Variants in DLG2 observed in about 807,000 individuals in gnomAD.
The protein encoded by DLG2 is discs large MAGUK scaffold protein 2.
A neutral mutation model predicts 132.5 loss-of-function variants in DLG2; 45 were observed. The observed-to-expected ratio is 0.34, with a 90% confidence interval of 0.27 to 0.44. The LOEUF is 0.44. Ranked by LOEUF, DLG2 falls within the 20% of genes least tolerant of loss-of-function variation. The pLI, the probability that DLG2 is intolerant of heterozygous loss-of-function variation, is 1.00. For missense variants in DLG2, 1,045 were observed against 1,196.9 expected (o/e 0.87, Z 1.87); for synonymous variants, 424 against 419.6 (o/e 1.01, Z -0.13).
chr11:85,495,410 C>A (rs1311356933), intron 3 of DLG2, among the ~76,000 whole-genome samples: 1 of 152,030 alleles, frequency 6.6e-6, no homozygotes, highest in African/African-American at 2.4e-5. Context: ...TACCTAGACT[C>A]TACAAGGAAC....
At chr11:84,581,658 C>T (rs2099516547) in intron 6 of DLG2, among the ~76,000 whole-genome samples, 1 of 151,520 alleles carries the variant, frequency 6.6e-6, no homozygotes, top group East Asian at 1.9e-4. Flanking sequence ...CCTGTAATTC[C>T]AGCACTTTGG....
intron 7 of DLG2, among the ~76,000 whole-genome samples, chr11:84,526,759 T>G (rs1268288285): frequency 6.6e-6 from 1 of 151,136 alleles, no homozygotes; most frequent in Non-Finnish European, 1.5e-5. Flanking sequence ...TGCAGTTTCA[T>G]GCATCCACTG....
intron 6 of DLG2, among the ~76,000 whole-genome samples, chr11:85,055,143 T>C (rs907772821): frequency 6.6e-6 from 1 of 152,140 alleles, no homozygotes; most frequent in Non-Finnish European, 1.5e-5. Flanking sequence ...ATTTGTCAAA[T>C]AAAGATGCTC....
intron 19 of DLG2, among the ~76,000 whole-genome samples, chr11:83,593,907 C>T (rs2097238708): frequency 6.6e-6 from 1 of 151,614 alleles, no homozygotes; most frequent in Non-Finnish European, 1.5e-5. Context: ...TCCTTTTCTC[C>T]ATATAGCATT....
intron 9 of DLG2, among the ~76,000 whole-genome samples, chr11:84,113,229 T>C (rs1033902068): frequency 1.3e-5 from 2 of 152,180 alleles, no homozygotes; most frequent in African/African-American, 4.8e-5. Flanking sequence ...GACCTTTGAG[T>C]CCATAACTTT....
At chr11:85,053,776 G>A (rs374026002) in intron 6 of DLG2, among the ~76,000 whole-genome samples, 12 of 116,238 alleles carry the variant, frequency 1.0e-4, no homozygotes, top group East Asian at 5.0e-4. Context: ...CAGCCTGGGC[G>A]ACAGAGCAAG....
At chr11:85,512,883 C>A (rs192324062) in intron 3 of DLG2, among the ~76,000 whole-genome samples, 10 of 152,138 alleles carry the variant, frequency 6.6e-5, no homozygotes, top group African/African-American at 2.4e-4. Context: ...AAAAAAACTC[C>A]TGCACTCATT....
chr11:84,584,940 G>A (rs908112800), intron 6 of DLG2, among the ~76,000 whole-genome samples: 18 of 150,888 alleles, frequency 1.2e-4, no homozygotes, highest in Non-Finnish European at 1.9e-4. Context: ...CGCCCGCCTC[G>A]GCCTCCCAAA....
intron 16 of DLG2, among the ~76,000 whole-genome samples, chr11:83,847,991 T>C (rs7935339): frequency 0.029 from 4,486 of 152,260 alleles, 222 homozygotes; most frequent in African/African-American, 0.096. Context: ...TGAAGTGTGG[T>C]TGGTGTGATG....
At chr11:84,496,536 G>A (rs545091524) in intron 7 of DLG2, among the ~76,000 whole-genome samples, 1 of 152,214 alleles carries the variant, frequency 6.6e-6, no homozygotes, top group Admixed American at 6.5e-5. Flanking sequence ...TCTGATTAAT[G>A]GAGGCAAGAT....
intron 4 of DLG2, among the ~76,000 whole-genome samples, chr11:85,254,956 G>A (rs939447054): frequency 6.7e-6 from 1 of 148,436 alleles, no homozygotes; most frequent in Admixed American, 6.7e-5. Context: ...CCAAGATCAC[G>A]CCACTGCACT....
chr11:85,360,291 G>C (rs1325553241), intron 3 of DLG2, among the ~76,000 whole-genome samples: 1 of 152,206 alleles, frequency 6.6e-6, no homozygotes, highest in Admixed American at 6.5e-5. Flanking sequence ...CACTAGGTGT[G>C]TAACTTTGAG....
At chr11:84,172,032 A>C (rs2095836243) in intron 8 of DLG2, among the ~76,000 whole-genome samples, 1 of 152,172 alleles carries the variant, frequency 6.6e-6, no homozygotes, top group Admixed American at 6.5e-5. Flanking sequence ...AAAGACCTGG[A>C]TTCCATAACA....
chr11:84,963,343 A>G (rs1406935742), intron 6 of DLG2, among the ~76,000 whole-genome samples: 1 of 152,220 alleles, frequency 6.6e-6, no homozygotes, highest in African/African-American at 2.4e-5. Flanking sequence ...ATTTCAGAAC[A>G]AAGACAAACA....
At chr11:83,817,705 T>C (rs2049438885) in intron 17 of DLG2, among the ~76,000 whole-genome samples, 1 of 152,052 alleles carries the variant, frequency 6.6e-6, no homozygotes, top group Non-Finnish European at 1.5e-5. Context: ...TGAGACCCAG[T>C]ATCTTAGAAA....
chr11:83,775,493 T>C (rs2094545475), intron 18 of DLG2, among the ~76,000 whole-genome samples: 1 of 152,172 alleles, frequency 6.6e-6, no homozygotes, highest in African/African-American at 2.4e-5. Flanking sequence ...ATATCACAAG[T>C]TTTTGCAAAG....
At chr11:85,131,839 AG>A (rs2075737521) in intron 5 of DLG2, among the ~76,000 whole-genome samples, 1 of 152,178 alleles carries the variant, frequency 6.6e-6, no homozygotes. Flanking sequence ...ATCTACACTT[AG>A]TTAACTCTCA....
At chr11:84,133,629 TTC>T (rs2094498733) in intron 9 of DLG2, among the ~76,000 whole-genome samples, 1 of 3,598 alleles carries the variant, frequency 2.8e-4, no homozygotes, top group African/African-American at 9.7e-4. Context: ...AATTTTTTCC[TTC>T]TTCTTCTTCT....
intron 17 of DLG2, among the ~76,000 whole-genome samples, chr11:83,801,461 C>A (rs1219217671): frequency 6.6e-6 from 1 of 152,176 alleles, no homozygotes; most frequent in East Asian, 1.9e-4. Flanking sequence ...CCCTCTTATT[C>A]CATCTTATTC....
Sources: allele counts gnomAD v4.1 joint callset (sites outside exome capture counted in the v4.1 genomes callset), GRCh38; gene constraint gnomAD v4.1.1; transcripts MANE v1.5; gene names NCBI Gene and HGNC (gene_info 2026-07-23, HGNC 2026-07-21).